SAMMSON: variants seen among roughly 807,000 people sequenced by gnomAD.
The protein encoded by SAMMSON is long intergenic non-protein coding RNA 1212.
intron 9 of SAMMSON, among the ~76,000 whole-genome samples, chr3:70,379,599 C>G (rs1179969933): frequency 6.6e-6 from 1 of 152,134 alleles, no homozygotes; most frequent in Non-Finnish European, 1.5e-5. Context: ...GATAGCTTCC[C>G]TCTTCACTGC....
intron 4 of SAMMSON, among the ~76,000 whole-genome samples, chr3:70,147,353 A>G (rs2067553144): frequency 6.6e-6 from 1 of 152,032 alleles, no homozygotes; most frequent in African/African-American, 2.4e-5. Flanking sequence ...GAGATTTACA[A>G]TGGTCAAAAT....
At chr3:70,263,656 C>T (rs1575609776) in intron 6 of SAMMSON, among the ~76,000 whole-genome samples, 2 of 152,156 alleles carry the variant, frequency 1.3e-5, no homozygotes, top group African/African-American at 4.8e-5. Flanking sequence ...CAAGGGAGCC[C>T]TACGCAAATT....
At chr3:70,088,163 T>A (rs140006578) in intron 4 of SAMMSON, among the ~76,000 whole-genome samples, 33 of 152,352 alleles carry the variant, frequency 2.2e-4, no homozygotes, top group African/African-American at 7.0e-4. Context: ...ATAGAGTTCA[T>A]GCAACCTTAG....
intron 7 of SAMMSON, chr3:70,302,802 A>G (rs1408641078): frequency 2.6e-5 from 4 of 152,206 alleles, no homozygotes; most frequent in Non-Finnish European, 5.9e-5. Flanking sequence ...TCATCTGGTC[A>G]TAGTCTGAAG....
chr3:70,136,959 A>AG (rs2067508513), intron 4 of SAMMSON, among the ~76,000 whole-genome samples: 1 of 152,182 alleles, frequency 6.6e-6, no homozygotes, highest in Non-Finnish European at 1.5e-5. Flanking sequence ...ATATGATAAA[A>AG]CTTTTTTTGA....
intron 4 of SAMMSON, among the ~76,000 whole-genome samples, chr3:70,165,310 T>C (rs1209723687): frequency 1.3e-5 from 2 of 152,002 alleles, no homozygotes; most frequent in African/African-American, 4.8e-5. Flanking sequence ...CAGATTCATG[T>C]TGAAAACCTA....
chr3:70,434,541 A>G (rs189491424), intron 2 of SAMMSON, among the ~76,000 whole-genome samples: 217 of 152,246 alleles, frequency 1.4e-3, no homozygotes, highest in East Asian at 7.3e-3. Flanking sequence ...TTCTATATGT[A>G]GACAACTGTG....
At chr3:70,427,387 C>A (rs1701378461) in intron 2 of SAMMSON, among the ~76,000 whole-genome samples, 2 of 152,152 alleles carry the variant, frequency 1.3e-5, no homozygotes, top group African/African-American at 4.8e-5. Context: ...TAGGCAAAAG[C>A]ACTGAACTAA....
chr3:70,149,864 C>A (rs1400447233), intron 4 of SAMMSON, among the ~76,000 whole-genome samples: 1 of 152,056 alleles, frequency 6.6e-6, no homozygotes, highest in African/African-American at 2.4e-5. Flanking sequence ...CAAGTTACAA[C>A]CCCTGATCAG....
At chr3:70,128,808 G>T (rs2067469143) in intron 4 of SAMMSON, among the ~76,000 whole-genome samples, 3 of 152,144 alleles carry the variant, frequency 2.0e-5, no homozygotes, top group Admixed American at 2.0e-4. Context: ...TAACATTGTG[G>T]TTTATTACTA....
At chr3:70,210,523 T>C (rs1260994655) in intron 4 of SAMMSON, among the ~76,000 whole-genome samples, 1 of 152,108 alleles carries the variant, frequency 6.6e-6, no homozygotes, top group Non-Finnish European at 1.5e-5. Context: ...TTTCATCAGA[T>C]TCAGATTCCT....
chr3:70,087,028 T>A (rs1416682949), intron 4 of SAMMSON, among the ~76,000 whole-genome samples: 2 of 152,156 alleles, frequency 1.3e-5, no homozygotes, highest in African/African-American at 4.8e-5. Context: ...AAGCACCATA[T>A]AACCCCTTTC....
At chr3:70,120,187 A>C (rs2067427192) in intron 4 of SAMMSON, 1 of 152,214 alleles carries the variant, frequency 6.6e-6, no homozygotes, top group Non-Finnish European at 1.5e-5. Flanking sequence ...TCAAAGAGGT[A>C]AGAGATTCAC....
In SAMMSON at chr3:70,146,274, A is replaced by T. The variant is rs9811645; in HGVS notation, n.507+74709A>T. 5.2e-3 allele frequency among the ~76,000 whole-genome samples: 789 copies of T among 152,132 alleles called. 5 individuals are homozygous for T. The highest frequency in any genetic ancestry group is 0.018 in the African/African-American group (743 of 41,548). On this transcript the variant is annotated intron_variant and non_coding_transcript_variant, in intron 4 of 9. Transcript: ENST00000642114. ...ATTTAGAGGAGAAATAATCCTAATT[A>T]TGCCCAATCTTGAGAAGCGGAGAAA...
intron 7 of SAMMSON, among the ~76,000 whole-genome samples, chr3:70,344,418 C>T (rs1702734488): frequency 6.6e-6 from 1 of 152,130 alleles, no homozygotes; most frequent in Non-Finnish European, 1.5e-5. Context: ...CTTCCCACTC[C>T]ATCCCCCTTC....
At chr3:70,198,408 G>T (rs1390150436) in intron 4 of SAMMSON, among the ~76,000 whole-genome samples, 1 of 152,050 alleles carries the variant, frequency 6.6e-6, no homozygotes, top group Non-Finnish European at 1.5e-5. Context: ...TTATTTTCCA[G>T]AAAGCTCTTT....
At chr3:70,342,593 C>A (rs1354839213) in intron 7 of SAMMSON, among the ~76,000 whole-genome samples, 2 of 152,128 alleles carry the variant, frequency 1.3e-5, no homozygotes. Flanking sequence ...TAACTGCGAG[C>A]TACATTTTCC....
In SAMMSON at chr3:70,080,846, C is replaced by A. The variant is rs568791701; in HGVS notation, n.507+9281C>A. On this transcript the variant is annotated intron_variant and non_coding_transcript_variant, in intron 4 of 9. Coordinates refer to ENST00000642114, the Ensembl canonical transcript of SAMMSON. ...GATCCTTAGAAGTGTGAAAAAAGAT[C>A]CAGCTGATAACCTTTGAAGATGTGG... Among the ~76,000 whole-genome samples, 44 of 152,190 alleles carry A rather than the reference C, an allele frequency of 2.9e-4. No individual in the cohort carries two copies. The South Asian group carries it at 8.9e-3, about 31-fold the overall frequency.
At chr3:70,285,446 C>T (rs979082404) in intron 6 of SAMMSON, among the ~76,000 whole-genome samples, 3 of 151,962 alleles carry the variant, frequency 2.0e-5, no homozygotes, top group Admixed American at 6.6e-5. Flanking sequence ...TTTTCTTAAT[C>T]CAGTCTATCA....
Sources: gnomAD v4.1 joint callset for allele counts (sites outside exome capture counted in the v4.1 genomes callset) on GRCh38, gnomAD v4.1.1 for gene constraint, MANE v1.5 for transcripts, NCBI Gene and HGNC (gene_info 2026-07-23, HGNC 2026-07-21) for gene names.